The following RBFOX1 variants were observed in gnomAD, a reference collection of about 807,000 sequenced individuals.
The protein encoded by RBFOX1 is RNA binding protein fox-1 homolog 1.
In RBFOX1, 8 loss-of-function variants were observed where a neutral mutation model predicts 57.7. That is an observed-to-expected ratio of 0.14 (90% CI 0.08 to 0.25). The LOEUF is 0.25. Ranked by LOEUF, RBFOX1 falls within the 10% of genes least tolerant of loss-of-function variation. The pLI is 1.00. For missense variants in RBFOX1, 611 were observed against 548.5 expected (o/e 1.11, Z -1.14); for synonymous variants, 326 against 222.4 (o/e 1.47, Z -4.15).
chr16:7,462,038 G>T (rs920794288), intron 4 of RBFOX1, among the ~76,000 whole-genome samples: 1 of 152,226 alleles, frequency 6.6e-6, no homozygotes, highest in East Asian at 1.9e-4. Context: ...GGACAGGCCA[G>T]TGAGCTGTGG....
chr16:6,751,170 C>T (rs764527389), intron 3 of RBFOX1, among the ~76,000 whole-genome samples: 8 of 151,958 alleles, frequency 5.3e-5, no homozygotes, highest in African/African-American at 1.7e-4. Context: ...ACATTTTATT[C>T]GAAATACAAT....
At chr16:6,600,095 T>C (rs900189629) in intron 2 of RBFOX1, among the ~76,000 whole-genome samples, 1 of 152,002 alleles carries the variant, frequency 6.6e-6, no homozygotes, top group Admixed American at 6.6e-5. Context: ...CATTCATGGG[T>C]TTTTCAAGCT....
chr16:7,454,019 G>C (rs1478328880), intron 4 of RBFOX1, among the ~76,000 whole-genome samples: 1 of 152,172 alleles, frequency 6.6e-6, no homozygotes, highest in East Asian at 1.9e-4. Context: ...GATTGCCTGA[G>C]GTCAGGAGTT....
intron 4 of RBFOX1, among the ~76,000 whole-genome samples, chr16:7,122,514 G>C (rs993893349): frequency 1.3e-5 from 2 of 152,094 alleles, no homozygotes; most frequent in African/African-American, 2.4e-5. Context: ...TGAAAACTAG[G>C]ATGGAATACC....
chr16:5,684,091 A>G (rs1410349655), intron 3 of RBFOX1, among the ~76,000 whole-genome samples: 3 of 152,162 alleles, frequency 2.0e-5, no homozygotes, highest in Non-Finnish European at 4.4e-5. Flanking sequence ...GTTTTCTCAC[A>G]TAAAGTAACC....
Position 6,027,244 on chromosome 16 carries a change from A to G in RBFOX1, c.-127+7252A>G, listed in dbSNP as rs558281615. Among the ~76,000 whole-genome samples the G allele has an allele frequency of 1.7e-3, 252 of 152,214 alleles. 1 individual carries two copies. Among genetic ancestry groups the G allele is most frequent in the African/African-American group, 5.9e-3 (243 of 41,538 alleles). On this transcript the variant is annotated intron_variant, in intron 1 of 15. Transcript: ENST00000550418. The stretch of plus-strand genomic sequence containing the variant: ...CTGTGTGTCATTTCATTAACTCTTC[A>G]TGGCAAACCCTTTATTATACCACTT...
intron 3 of RBFOX1, among the ~76,000 whole-genome samples, chr16:6,960,630 C>G (rs2082764937): frequency 1.3e-5 from 2 of 151,958 alleles, no homozygotes; most frequent in African/African-American, 2.4e-5. Flanking sequence ...TTCCTGCCTT[C>G]TCTCCTTCCT....
chr16:5,962,727 G>A (rs1465170218), intron 4 of RBFOX1, among the ~76,000 whole-genome samples: 1 of 151,750 alleles, frequency 6.6e-6, no homozygotes, highest in East Asian at 1.9e-4. Context: ...TGGTAATAGT[G>A]TGTATAGCCT....
chr16:6,854,895 A>G (rs2057537601), intron 3 of RBFOX1, among the ~76,000 whole-genome samples: 1 of 151,834 alleles, frequency 6.6e-6, no homozygotes, highest in Admixed American at 6.6e-5. Context: ...CGCCCAGCCG[A>G]GGTGAATAAT....
At chr16:6,137,862 A>T (rs144250327) in intron 1 of RBFOX1, among the ~76,000 whole-genome samples, 4 of 152,136 alleles carry the variant, frequency 2.6e-5, no homozygotes, top group Non-Finnish European at 5.9e-5. Context: ...CTCCTGCCTC[A>T]ATCTCCCAAA....
intron 3 of RBFOX1, among the ~76,000 whole-genome samples, chr16:6,970,688 C>A (rs865930856): frequency 2.0e-5 from 3 of 152,168 alleles, no homozygotes; most frequent in Admixed American, 1.3e-4. Flanking sequence ...TCTAAAAATC[C>A]TAGCTCTTAA....
rs1315248792 is a variant in RBFOX1 at position 6,480,094 on chromosome 16, A to T, written c.-64+163037A>T. 1.3e-5 allele frequency among the ~76,000 whole-genome samples: 2 copies of T among 151,634 alleles called. 1 individual carries two copies. The highest frequency in any genetic ancestry group is 4.9e-5 in the African/African-American group (2 of 41,234). ...TCACTGGTCTAGAAAAATGGGACTGAAATTCACAATAGTGTCATCTCTAGG... is the reference window on the plus strand; with the variant it reads ...TCACTGGTCTAGAAAAATGGGACTGTAATTCACAATAGTGTCATCTCTAGG... On this transcript the variant is annotated intron_variant, in intron 2 of 15. Transcript: ENST00000550418.
At chr16:5,673,762 T>G (rs774392551) in intron 3 of RBFOX1, among the ~76,000 whole-genome samples, 6 of 152,252 alleles carry the variant, frequency 3.9e-5, no homozygotes, top group Non-Finnish European at 8.8e-5. Flanking sequence ...CAAATACGTA[T>G]ACACATGGCA....
At position 6,674,344 on chromosome 16, in the gene RBFOX1, C is replaced by G. The variant is rs150475947; in HGVS notation, c.-16+19694C>G. ...TTTTTTTTCTTTTCTTTTTTTGAGT[C>G]AGAGTCTCACTCTGTTGCCCAGGCT... On this transcript the variant is annotated intron_variant, in intron 3 of 15. Transcript: ENST00000550418. 1.8e-4 allele frequency among the ~76,000 whole-genome samples: 27 copies of G among 151,246 alleles called. No individual in the cohort carries two copies. In the East Asian group the frequency reaches 5.1e-3, roughly 28 times the overall value.
intron 3 of RBFOX1, among the ~76,000 whole-genome samples, chr16:5,835,233 A>G (rs1464363773): frequency 1.3e-5 from 2 of 152,194 alleles, no homozygotes; most frequent in Admixed American, 1.3e-4. Flanking sequence ...AGCACAGAGC[A>G]ATGAGCACGT....
At chr16:7,107,606 C>T (rs772654342) in intron 4 of RBFOX1, among the ~76,000 whole-genome samples, 6 of 152,124 alleles carry the variant, frequency 3.9e-5, no homozygotes, top group Non-Finnish European at 8.8e-5. Flanking sequence ...CTTCTTCCTA[C>T]GTCGCTGACA....
chr16:5,432,874 C>G (rs2067796281), intron 1 of RBFOX1, among the ~76,000 whole-genome samples: 3 of 152,100 alleles, frequency 2.0e-5, no homozygotes, highest in African/African-American at 7.2e-5. Flanking sequence ...CAAATTCCAT[C>G]TCCCAGGTTC....
rs200680272 is a variant in RBFOX1 at position 5,454,854 on chromosome 16, TTTTCTTTCTTTCTTTCTTTCTTTCTTTC to T, written c.220-12329_220-12302del. Among the ~76,000 whole-genome samples, 66 of 67,516 alleles carry T rather than the reference TTTTCTTTCTTTCTTTCTTTCTTTCTTTC, an allele frequency of 9.8e-4. 2 individuals carry two copies. The highest frequency in any genetic ancestry group is 6.8e-3 in the Middle Eastern group (1 of 148). The allele number at this position is 67,516 out of a possible 152,430, so 44.3% of individuals were successfully genotyped here. A position where few individuals can be genotyped will look rare whatever the true frequency, so the allele number is the denominator to read the frequency against. ...TTGCTTTCTTTCCTTTCTTTCTTTC[TTTTCTTTCTTTCTTTCTTTCTTTCTTTC>T]TTTCTTTCTTTCTTTCTTTCTTTCT... On this transcript the variant is annotated intron_variant, in intron 1 of 2. Transcript: ENST00000585867.
At chr16:6,660,807 T>C (rs17140861) in intron 3 of RBFOX1, among the ~76,000 whole-genome samples, 5,597 of 152,286 alleles carry the variant, frequency 0.037, 258 homozygotes, top group East Asian at 0.1. Context: ...TACCATGTCA[T>C]TTATAATTAC....
Sources: allele counts gnomAD v4.1 joint callset (sites outside exome capture counted in the v4.1 genomes callset), GRCh38; gene constraint gnomAD v4.1.1; transcripts MANE v1.5; gene names NCBI Gene and HGNC (gene_info 2026-07-23, HGNC 2026-07-21).